ZNF66: variants seen among roughly 807,000 people sequenced by gnomAD.
The protein encoded by ZNF66 is putative zinc finger protein 66.
ZNF66 carries 32 observed loss-of-function variants against 35.2 expected under a neutral mutation model. The ratio of observed to expected loss-of-function variants is 0.91; its 90% CI spans 0.69 to 1.22. The LOEUF (loss-of-function observed/expected upper bound fraction) is 1.22. Among genes scored for constraint, ZNF66 ranks in the 50% most tolerant of loss-of-function variants. ZNF66 has a pLI of 0.00. For synonymous variants in ZNF66, 231 were observed against 181.3 expected, an observed-to-expected ratio of 1.27 and a Z score of -2.20; for missense variants, 666 against 543.1, an observed-to-expected ratio of 1.23 and a Z score of -2.25.
rs771745112 is a variant in ZNF66, at chr19:20,792,596, A to G, written c.88A>G (p.Arg30Gly). The part of the protein sequence containing the change: ...CLDMAQRNLY[R>G]DVMLENYRNL... ...GGACATGGCACAGCGGAATTTATAT[A>G]GGGATGTGATGTTAGAGAACTACAG... Residue 30 changes from arginine to glycine, a missense_variant, in exon 2 of 4, where the codon AGG becomes GGG. Arg to Gly is a moderately radical substitution (Grantham distance 125). Transcript: ENST00000344519. The G allele has an allele frequency of 6.7e-7, 1 of 1,494,350 alleles. No individual in the cohort carries two copies. Among genetic ancestry groups the G allele is most frequent in the Non-Finnish European group, 9.3e-7 (1 of 1,076,068 alleles). The allele number at this position is 1,494,350 out of a possible 1,614,324, so 92.6% of individuals were successfully genotyped here.
At chr19:20,784,548 G>A (rs1443397972) in intron 1 of ZNF66, 1 of 152,152 alleles carries the variant, frequency 6.6e-6, no homozygotes, top group East Asian at 1.9e-4. Flanking sequence ...TATGTTGCAA[G>A]TTCTAATATA....
At position 20,808,286 on chromosome 19, in the gene ZNF66, A is replaced by G. The variant is rs986272887; in HGVS notation, c.*964A>G. 6.6e-6 allele frequency among the ~76,000 whole-genome samples: 1 copy of G among 152,228 alleles called. No homozygotes were observed. The highest frequency in any genetic ancestry group is 6.5e-5 in the Admixed American group (1 of 15,280). ...CTCCACCTCTGGGGTCAGGGCACAG[A>G]CAAAAAGACAGCAGTAACCTCTGCA... On this transcript the variant is annotated 3_prime_UTR_variant, in exon 4 of 4. Transcript: ENST00000344519.
At chr19:20,794,506 A>G (rs1971372921) in intron 3 of ZNF66, 1 of 151,946 alleles carries the variant, frequency 6.6e-6, no homozygotes, top group Non-Finnish European at 1.5e-5. Context: ...TTTAATAGGA[A>G]GATTATTGAG....
Position 20,806,893 on chromosome 19 carries a change from C to G in ZNF66, c.1293C>G (p.Gly431=), listed in dbSNP as rs780211074. ...AACCCTACAAATGTGAAGAATGTGG[C>G]AAAGCCTTCAGTCGGTCCTCTATTC... ...GEKPYKCEEC[G]KAFSRSSILT... Residue 431 remains glycine (G), a synonymous_variant, in exon 4 of 4, where the codon GGC becomes GGG. Coordinates refer to ENST00000344519, the MANE Select transcript of ZNF66 (RefSeq NM_001355197.2). 4.7e-5 allele frequency: 63 copies of G among 1,334,508 alleles called. No homozygotes were observed. The highest frequency in any genetic ancestry group is 6.3e-5 in the Non-Finnish European group (58 of 927,394). 82.7% of individuals were successfully genotyped at this position (1,334,508 alleles called of 1,614,324 possible).
intron 3 of ZNF66, among the ~76,000 whole-genome samples, chr19:20,795,700 C>G (rs1374136263): frequency 1.3e-5 from 2 of 152,102 alleles, no homozygotes; most frequent in Non-Finnish European, 1.5e-5. Flanking sequence ...GCAGAACTGA[C>G]CATAAACTTG....
chr19:20,792,485 G>A (rs768415068), intron 1 of ZNF66, 27 bp from the exon 2 acceptor site: 2 of 1,483,076 alleles, frequency 1.3e-6, no homozygotes, highest in Non-Finnish European at 1.8e-6. Flanking sequence ...ACCACTTGGT[G>A]AAAATGTGTG....
rs774641506 is a variant in ZNF66, at chr19:20,807,413, A to G, written c.*91A>G. The stretch of plus-strand genomic sequence containing the variant: ...AATGTGGGAAAGACTTTAACCAGCT[A>G]TCAACTTTTACTAAATATGAGAATT... On this transcript the variant is annotated 3_prime_UTR_variant, in exon 4 of 4. Coordinates refer to ENST00000344519, the MANE Select transcript of ZNF66 (RefSeq NM_001355197.2). The G allele has an allele frequency of 3.6e-6, 2 of 555,470 alleles. No individual in the cohort carries two copies. The highest frequency in any genetic ancestry group is 3.2e-6 in the Non-Finnish European group (1 of 312,418). 34.4% of individuals were successfully genotyped at this position (555,470 alleles called of 1,614,324 possible). A position where few individuals can be genotyped will look rare whatever the true frequency, so the allele number is the denominator to read the frequency against.
intron 1 of ZNF66, 82 bp from the exon 2 acceptor site, chr19:20,792,430 T>C (rs1282682226): frequency 2.5e-5 from 31 of 1,261,446 alleles, no homozygotes; most frequent in Non-Finnish European, 3.1e-5. Flanking sequence ...CAGTTATCTT[T>C]ACTCTCTCAT....
At chr19:20,783,214 T>C (rs1249601546) in intron 1 of ZNF66, among the ~76,000 whole-genome samples, 1 of 152,182 alleles carries the variant, frequency 6.6e-6, no homozygotes, top group African/African-American at 2.4e-5. Context: ...TGTGCACTCG[T>C]GGATTTTTTA....
intron 3 of ZNF66, among the ~76,000 whole-genome samples, chr19:20,800,692 C>A (rs1971439919): frequency 6.6e-6 from 1 of 152,186 alleles, no homozygotes; most frequent in African/African-American, 2.4e-5. Context: ...TCCTTACCTT[C>A]CACCATGATT....
rs974619686 is a variant in ZNF66, at chr19:20,807,673, C to T, written c.*351C>T. On this transcript the variant is annotated 3_prime_UTR_variant, in exon 4 of 4. Transcript: ENST00000344519. ...TCGGATCACTGAAACCTCTGCCTCC[C>T]GGGTTCAAGCCATTTTCCTGCCTCA... is the stretch of plus-strand genomic sequence containing the variant. Among the ~76,000 whole-genome samples, 4 of 151,492 alleles carry T rather than the reference C, an allele frequency of 2.6e-5. No individual in the cohort carries two copies. Among genetic ancestry groups the T allele is most frequent in the East Asian group, 1.9e-4 (1 of 5,150 alleles).
chr19:20,780,404 A>G (rs1971235239), intron 1 of ZNF66, among the ~76,000 whole-genome samples: 1 of 152,180 alleles, frequency 6.6e-6, no homozygotes, highest in African/African-American at 2.4e-5. Context: ...TTAAACTGGT[A>G]AACATAACTA....
intron 1 of ZNF66, among the ~76,000 whole-genome samples, chr19:20,777,114 T>TAAA (rs767934089): frequency 8.4e-5 from 8 of 94,998 alleles, no homozygotes; most frequent in African/African-American, 1.2e-4. Context: ...GACTCTTGTC[T>TAAA]AAAAAAAAAA....
Position 20,807,689 on chromosome 19 carries a change from T to G in ZNF66, c.*367T>G, listed in dbSNP as rs1599558045. Reference sequence around the variant, plus strand: ...TCTGCCTCCCGGGTTCAAGCCATTTTCCTGCCTCAGCTTGTCTAGTAGATG... The same window carrying G: ...TCTGCCTCCCGGGTTCAAGCCATTTGCCTGCCTCAGCTTGTCTAGTAGATG... On this transcript the variant is annotated 3_prime_UTR_variant, in exon 4 of 4. Coordinates refer to ENST00000344519, the MANE Select transcript of ZNF66 (RefSeq NM_001355197.2). Among the ~76,000 whole-genome samples, 1 of 152,216 alleles carries G rather than the reference T, an allele frequency of 6.6e-6. No individual in the cohort carries two copies. Among genetic ancestry groups the G allele is most frequent in the Non-Finnish European group, 1.5e-5 (1 of 68,012 alleles).
chr19:20,793,755 T>G, intron 2 of ZNF66, 28 bp from the exon 3 acceptor site: 1 of 823,366 alleles, frequency 1.2e-6, no homozygotes, highest in Non-Finnish European at 1.8e-6. Flanking sequence ...GTGAGCAAGA[T>G]TCATGTTATT....
chr19:20,776,585 G>A, intron 1 of ZNF66, 135 bp downstream of exon 1: 1 of 1,249,294 alleles, frequency 8.0e-7, no homozygotes, highest in Non-Finnish European at 1.1e-6. Context: ...TCAGCCATAA[G>A]ATGGCGGCTA....
rs1000113937 is a variant in ZNF66 at position 20,801,152 on chromosome 19, C to G, written c.227-4675C>G. On this transcript the variant is annotated intron_variant, in intron 3 of 3. Coordinates refer to ENST00000344519, the MANE Select transcript of ZNF66 (RefSeq NM_001355197.2). The stretch of plus-strand genomic sequence containing the variant: ...TTCTGTCTAATATAATTATGACCAC[C>G]TTACTCAATTGTGGTTACTATTTTC... Among the ~76,000 whole-genome samples the G allele has an allele frequency of 2.6e-5, 4 of 151,026 alleles. No individual in the cohort carries two copies. In the East Asian group the frequency reaches 5.8e-4, roughly 22 times the overall value.
In ZNF66 at chr19:20,806,743, C is replaced by T; in HGVS notation, c.1143C>T (p.Ser381=). 1 of 1,361,274 alleles carries T rather than the reference C, an allele frequency of 7.3e-7. No homozygotes were observed. Among genetic ancestry groups the T allele is most frequent in the Non-Finnish European group, 1.0e-6 (1 of 952,946 alleles). 84.3% of individuals were successfully genotyped at this position (1,361,274 alleles called of 1,614,324 possible). A position where few individuals can be genotyped will look rare whatever the true frequency, so the allele number is the denominator to read the frequency against. Residue 381 remains serine, a synonymous_variant, in exon 4 of 4, where the codon TCC becomes TCT. Transcript: ENST00000344519. The part of the protein sequence containing the change: ...CEECGEAFKY[S]CSLTAHKIIH... Reference sequence around the variant, plus strand: ...AATGTGGTGAAGCCTTTAAGTACTCCTGTTCCCTTACTGCACATAAGATAA... The same window carrying T: ...AATGTGGTGAAGCCTTTAAGTACTCTTGTTCCCTTACTGCACATAAGATAA...
intron 3 of ZNF66, 121 bp downstream of exon 3, chr19:20,793,999 GTTTT>G: frequency 1.9e-6 from 1 of 533,518 alleles, no homozygotes; most frequent in South Asian, 3.6e-5. Flanking sequence ...CTGGGCAGCT[GTTTT>G]TTTTGTTTTT....
Sources: gnomAD v4.1 joint callset for allele counts (sites outside exome capture counted in the v4.1 genomes callset) on GRCh38, gnomAD v4.1.1 for gene constraint, MANE v1.5 for transcripts, NCBI Gene and HGNC (gene_info 2026-07-23, HGNC 2026-07-21) for gene names.